The following C3orf49 variants were observed in gnomAD, a reference collection of about 807,000 sequenced individuals.
C3orf49 encodes the protein chromosome 3 open reading frame 49.
Under a neutral mutation model 13.3 loss-of-function variants are expected in C3orf49, and 27 were observed. The ratio of observed to expected loss-of-function variants is 2.02; its 90% CI spans 1.49 to 2.79. The LOEUF is 2.79. Ranked by LOEUF, C3orf49 falls within the 30% of genes most tolerant of loss-of-function variation. The pLI is 0.00. For synonymous variants in C3orf49, 87 were observed against 47.6 expected, an observed-to-expected ratio of 1.83 and a Z score of -3.40; for missense variants, 242 against 134.2, an observed-to-expected ratio of 1.80 and a Z score of -3.97.
At chr3:63,821,775 G>A (rs1004358366) in intron 1 of C3orf49, among the ~76,000 whole-genome samples, 5 of 151,914 alleles carry the variant, frequency 3.3e-5, no homozygotes, top group South Asian at 2.1e-4. Flanking sequence ...AGACAGATTC[G>A]TAGATGCCGG....
chr3:63,829,912 G>A (rs1701512000), intron 3 of C3orf49, among the ~76,000 whole-genome samples: 1 of 152,114 alleles, frequency 6.6e-6, no homozygotes, highest in African/African-American at 2.4e-5. Context: ...GCTTTAGTGA[G>A]CCATGATCAT....
chr3:63,808,485 CT>C, the C3orf49 span, among the ~76,000 whole-genome samples: 1 of 152,152 alleles, frequency 6.6e-6, no homozygotes, highest in Non-Finnish European at 1.5e-5. Flanking sequence ...CTGTTTTCTT[CT>C]TTCTCTCTCT....
At chr3:63,816,292 T>G (rs1034753513), upstream of C3orf49, among the ~76,000 whole-genome samples, 1 of 152,100 alleles carries the variant, frequency 6.6e-6, no homozygotes, top group South Asian at 2.1e-4. Context: ...TTTCCCTGAA[T>G]AAATATATGA....
At chr3:63,842,265 C>A (rs1035586883) in intron 5 of C3orf49, among the ~76,000 whole-genome samples, 1 of 152,126 alleles carries the variant, frequency 6.6e-6, no homozygotes, top group Non-Finnish European at 1.5e-5. Flanking sequence ...CAGTGAGATA[C>A]TAGCTCACCC....
chr3:63,823,888 C>T (rs541194252), intron 2 of C3orf49, among the ~76,000 whole-genome samples: 148 of 151,256 alleles, frequency 9.8e-4, no homozygotes, highest in African/African-American at 3.4e-3. Flanking sequence ...GCAACCTCTG[C>T]CTTCCGGGTT....
chr3:63,783,550 A>ACC, the C3orf49 span, among the ~76,000 whole-genome samples: 2 of 150,740 alleles, frequency 1.3e-5, no homozygotes, highest in African/African-American at 2.4e-5. Flanking sequence ...ACACACACAC[A>ACC]CACACACACA....
chr3:63,791,107 C>G, the C3orf49 span, among the ~76,000 whole-genome samples: 39 of 152,264 alleles, frequency 2.6e-4, no homozygotes, highest in African/African-American at 9.1e-4. Context: ...AAAGGCAGCC[C>G]TCTCTTCTGG....
the C3orf49 span, among the ~76,000 whole-genome samples, chr3:63,788,813 A>G: frequency 1.2e-3 from 188 of 152,208 alleles, no homozygotes; most frequent in African/African-American, 4.3e-3. Flanking sequence ...ACAAAGCCCA[A>G]ATTTTAACCT....
intron 6 of C3orf49, chr3:63,846,360 C>T: frequency 1.6e-5 from 4 of 244,918 alleles, no homozygotes; most frequent in Middle Eastern, 4.5e-4. Context: ...AGAAAAATTT[C>T]ACAAGTTTTC....
chr3:63,835,922 T>G (rs1701623428), intron 5 of C3orf49, among the ~76,000 whole-genome samples: 1 of 152,052 alleles, frequency 6.6e-6, no homozygotes, highest in Admixed American at 6.6e-5. Flanking sequence ...GTTATTATTC[T>G]GTATGTGTTT....
intron 2 of C3orf49, among the ~76,000 whole-genome samples, chr3:63,825,057 G>A (rs1701449308): frequency 6.6e-6 from 1 of 151,812 alleles, no homozygotes; most frequent in Admixed American, 6.6e-5. Flanking sequence ...TTTACATTAG[G>A]GTTCCCCCTT....
chr3:63,846,667 T>C (rs935048544), intron 6 of C3orf49, among the ~76,000 whole-genome samples: 1 of 152,138 alleles, frequency 6.6e-6, no homozygotes, highest in Non-Finnish European at 1.5e-5. Context: ...CACCTCGGCC[T>C]CCTAAAGTGC....
chr3:63,795,677 T>A, the C3orf49 span, among the ~76,000 whole-genome samples: 1,476 of 152,290 alleles, frequency 9.7e-3, 26 homozygotes, highest in African/African-American at 0.033. Context: ...TAATTCCACA[T>A]TGACACTCCA....
At chr3:63,838,016 C>T (rs1387710750) in intron 5 of C3orf49, 1 of 1,609,278 alleles carries the variant, frequency 6.2e-7, no homozygotes, top group Non-Finnish European at 8.5e-7. Context: ...GAAGAATTTG[C>T]TTTTTGCACT....
At position 63,824,815 on chromosome 3, in the gene C3orf49, C is replaced by T. The variant is rs1421500174; in HGVS notation, c.445+1246C>T. ...TTATGCCACTGCACTCCAGCCTGGG[C>T]GACAGAAAGAGACCCTGTCTCAAAA... On this transcript the variant is annotated intron_variant, in intron 2 of 6. Coordinates refer to ENST00000295896, the MANE Select transcript of C3orf49 (RefSeq NM_001355236.2). 8.0e-5 allele frequency among the ~76,000 whole-genome samples: 10 copies of T among 125,580 alleles called. No individual in the cohort carries two copies. In the East Asian group the frequency reaches 1.1e-3, roughly 14 times the overall value. The allele number at this position is 125,580 out of a possible 152,430, so 82.4% of individuals were successfully genotyped here.
At position 63,831,818 on chromosome 3, in the gene C3orf49, AC is replaced by A; in HGVS notation, c.825del (p.Met276Ter). 1 of 699,148 alleles carries A rather than the reference AC, an allele frequency of 1.4e-6. No homozygotes were observed. The highest frequency in any genetic ancestry group is 1.8e-5 in the African/African-American group (1 of 57,048). 43.3% of individuals were successfully genotyped at this position (699,148 alleles called of 1,614,324 possible). Reference protein sequence around the residue: ...SKQFQRISKRTMRKYKLKNMT... With the variant: ...SKQFQRISKRXMRKYKLKNMT... ...ACAGTTCCAGAGGATATCCAAGAGA[AC>A]CATGAGGAAGTATAAATTAAAAAAT... On this transcript the variant is annotated frameshift_variant, in exon 5 of 7. Coordinates refer to ENST00000295896, the MANE Select transcript of C3orf49 (RefSeq NM_001355236.2). LOFTEE classifies it high-confidence loss of function.
chr3:63,800,525 A>G, the C3orf49 span, among the ~76,000 whole-genome samples: 1 of 152,134 alleles, frequency 6.6e-6, no homozygotes, highest in Non-Finnish European at 1.5e-5. Flanking sequence ...TGTGTCAAGT[A>G]TAGACCAATG....
the C3orf49 span, among the ~76,000 whole-genome samples, chr3:63,791,498 A>G: frequency 6.6e-6 from 1 of 152,192 alleles, no homozygotes; most frequent in African/African-American, 2.4e-5. Context: ...GCAAATGAGA[A>G]GGCACCCAAT....
intron 5 of C3orf49, among the ~76,000 whole-genome samples, chr3:63,840,501 G>A (rs1173068150): frequency 6.6e-6 from 1 of 152,132 alleles, no homozygotes; most frequent in Non-Finnish European, 1.5e-5. Context: ...TGAGGTAGGA[G>A]GATCACTTGA....
Sources: gnomAD v4.1 joint callset for allele counts (sites outside exome capture counted in the v4.1 genomes callset) on GRCh38, gnomAD v4.1.1 for gene constraint, MANE v1.5 for transcripts, NCBI Gene and HGNC (gene_info 2026-07-23, HGNC 2026-07-21) for gene names.